The following PLCG2 variants were observed in gnomAD, a reference collection of about 807,000 sequenced individuals.
The protein encoded by PLCG2 is 1-phosphatidylinositol 4,5-bisphosphate phosphodiesterase gamma-2.
Under a neutral mutation model 175.6 loss-of-function variants are expected in PLCG2, and 69 were observed. The ratio of observed to expected loss-of-function variants is 0.39; its 90% CI spans 0.32 to 0.48. The LOEUF is 0.48. PLCG2 is among the 20% of genes least tolerant of loss of function. The probability of loss-of-function intolerance (pLI) is 0.91; values close to 1 mark genes in which losing one functional copy is unlikely to be tolerated. For missense variants in PLCG2, 1,798 were observed against 1,650.9 expected, an observed-to-expected ratio of 1.09 and a Z score of -1.54; for synonymous variants, 827 against 624.0, an observed-to-expected ratio of 1.33 and a Z score of -4.85.
chr16:81,946,770 A>G (rs552451915), intron 31 of PLCG2, among the ~76,000 whole-genome samples: 2 of 152,324 alleles, frequency 1.3e-5, no homozygotes, highest in African/African-American at 2.4e-5. Context: ...TTACGCCAGA[A>G]TTCTTTCCTT....
chr16:81,850,778 G>C (rs1056330267), intron 2 of PLCG2, among the ~76,000 whole-genome samples: 7 of 152,190 alleles, frequency 4.6e-5, no homozygotes, highest in Non-Finnish European at 8.8e-5. Context: ...TCATTAGCGT[G>C]TTAAATCCCC....
Position 81,962,222 on chromosome 16 carries a change from TA to T in PLCG2, c.*4229del. On this transcript the variant is annotated 3_prime_UTR_variant, in exon 33 of 33. Coordinates refer to ENST00000564138, the MANE Select transcript of PLCG2 (RefSeq NM_002661.5). ...TGTATTTGGAAGCAAAAAGGATGGC[TA>T]AAAAGGACCTCAACCCTTTTGACTT... 1 of 189,620 alleles carries T rather than the reference TA, an allele frequency of 5.3e-6. No homozygotes were observed. Among genetic ancestry groups the T allele is most frequent in the African/African-American group, 2.3e-5 (1 of 43,066 alleles). 11.7% of individuals were successfully genotyped at this position (189,620 alleles called of 1,614,324 possible). A position where few individuals can be genotyped will look rare whatever the true frequency, so the allele number is the denominator to read the frequency against.
rs1304535394 is a variant in PLCG2, at chr16:81,888,996, GA to G, written c.766-175del. On this transcript the variant is annotated intron_variant, in intron 9 of 32. Coordinates refer to ENST00000564138, the MANE Select transcript of PLCG2 (RefSeq NM_002661.5). ...TGGCTCTCTGCAGAGAACATTTGCT[GA>G]CCCCTGGCAGAGGGCCATGTGCAGA... Among the ~76,000 whole-genome samples, 13 of 152,178 alleles carry G rather than the reference GA, an allele frequency of 8.5e-5. No homozygotes were observed. The South Asian group carries it at 2.1e-3, about 24-fold the overall frequency.
chr16:81,752,787 C>T (rs1191941352), intron 1 of PLCG2, among the ~76,000 whole-genome samples: 4 of 152,248 alleles, frequency 2.6e-5, no homozygotes, highest in African/African-American at 9.6e-5. Context: ...GTGCTGGAAG[C>T]TCCAGCCTAG....
At chr16:81,863,245 C>T (rs990911689) in intron 5 of PLCG2, among the ~76,000 whole-genome samples, 2 of 152,224 alleles carry the variant, frequency 1.3e-5, no homozygotes, top group African/African-American at 4.8e-5. Context: ...ACTCTACTGT[C>T]TGTCTCTCTG....
At chr16:81,822,759 C>A (rs61687497) in intron 2 of PLCG2, among the ~76,000 whole-genome samples, 1 of 212 alleles carries the variant, frequency 4.7e-3, no homozygotes, top group Non-Finnish European at 0.011. Context: ...GAGACTCCAT[C>A]TCAAAAAAAA....
At chr16:81,825,449 A>C (rs758862524) in intron 2 of PLCG2, among the ~76,000 whole-genome samples, 12 of 151,922 alleles carry the variant, frequency 7.9e-5, no homozygotes, top group Non-Finnish European at 1.6e-4. Context: ...ATGCGCCAGC[A>C]CACCTGGCTA....
At chr16:81,867,370 A>G (rs957081638) in intron 5 of PLCG2, among the ~76,000 whole-genome samples, 1 of 151,988 alleles carries the variant, frequency 6.6e-6, no homozygotes, top group Non-Finnish European at 1.5e-5. Flanking sequence ...CACCCCACTA[A>G]TTTCACTTCT....
intron 7 of PLCG2, among the ~76,000 whole-genome samples, chr16:81,876,240 C>G (rs1005145676): frequency 2.0e-5 from 3 of 152,048 alleles, no homozygotes; most frequent in Non-Finnish European, 4.4e-5. Context: ...CCAGGCTAGG[C>G]TTGAACTCCT....
At chr16:81,880,995 A>G in intron 8 of PLCG2, 42 bp downstream of exon 8, 10 of 1,599,116 alleles carry the variant, frequency 6.3e-6, no homozygotes, top group African/African-American at 1.3e-5. Context: ...GCTGTGCCGG[A>G]CCTCGGTGCC....
intron 7 of PLCG2, among the ~76,000 whole-genome samples, chr16:81,875,094 G>C (rs1408589092): frequency 6.6e-6 from 1 of 151,704 alleles, no homozygotes; most frequent in Non-Finnish European, 1.5e-5. Flanking sequence ...CTTCTGAGTA[G>C]CTGGGATTAC....
chr16:81,886,647 T>A (rs1597108185), intron 9 of PLCG2, among the ~76,000 whole-genome samples: 2 of 152,190 alleles, frequency 1.3e-5, no homozygotes, highest in East Asian at 3.8e-4. Flanking sequence ...GTTAAAAGTA[T>A]GTTTCTAGAA....
chr16:81,891,390 C>A lies in PLCG2; in HGVS notation c.868-82C>A, dbSNP rs140455097. On this transcript the variant is annotated intron_variant, in intron 10 of 32. Transcript: ENST00000564138. Reference sequence around the variant, plus strand: ...CCCGCATCAGAGCTGTTCTTCCCCCCTGGTGGGCGCAGACCAGAAACAAGC... The same window carrying A: ...CCCGCATCAGAGCTGTTCTTCCCCCATGGTGGGCGCAGACCAGAAACAAGC... 3.3e-3 allele frequency: 2,726 copies of A among 825,038 alleles called. 25 individuals carry two copies. The highest frequency in any genetic ancestry group is 0.011 in the South Asian group (795 of 72,624). The allele number at this position is 825,038 out of a possible 1,614,324, so 51.1% of individuals were successfully genotyped here. A position where few individuals can be genotyped will look rare whatever the true frequency, so the allele number is the denominator to read the frequency against.
intron 2 of PLCG2, among the ~76,000 whole-genome samples, chr16:81,820,794 T>C (rs1341867092): frequency 6.6e-6 from 1 of 151,690 alleles, no homozygotes; most frequent in Non-Finnish European, 1.5e-5. Flanking sequence ...CTAATTTTTG[T>C]ATTTTTAGTA....
At chr16:81,747,409 C>T (rs1401953414) in intron 1 of PLCG2, among the ~76,000 whole-genome samples, 1 of 152,120 alleles carries the variant, frequency 6.6e-6, no homozygotes, top group Non-Finnish European at 1.5e-5. Context: ...ATGGTGGGTG[C>T]CTGTAGTCCC....
chr16:81,844,113 A>G (rs1597350221), intron 2 of PLCG2, among the ~76,000 whole-genome samples: 1 of 142,696 alleles, frequency 7.0e-6, no homozygotes, highest in African/African-American at 2.6e-5. Flanking sequence ...AGTAGCTGGG[A>G]CTACAGGTGC....
At chr16:81,869,007 A>C (rs1217338332) in intron 5 of PLCG2, among the ~76,000 whole-genome samples, 1 of 152,248 alleles carries the variant, frequency 6.6e-6, no homozygotes, top group African/African-American at 2.4e-5. Context: ...TATGTGACCC[A>C]TGTCCATGGA....
intron 13 of PLCG2, among the ~76,000 whole-genome samples, chr16:81,896,181 C>T (rs1451616499): frequency 6.6e-6 from 1 of 152,152 alleles, no homozygotes; most frequent in Non-Finnish European, 1.5e-5. Context: ...TGTGGCTGCT[C>T]AGTGCCCACC....
rs74029318 is a variant in PLCG2, at chr16:81,962,241, T to G, written c.*4243T>G. 2.4e-3 allele frequency: 465 copies of G among 191,970 alleles called. 3 individuals are homozygous for G. Among genetic ancestry groups the G allele is most frequent in the African/African-American group, 9.9e-3 (428 of 43,178 alleles). 11.9% of individuals were successfully genotyped at this position (191,970 alleles called of 1,614,324 possible). On this transcript the variant is annotated 3_prime_UTR_variant, in exon 33 of 33. Coordinates refer to ENST00000564138, the MANE Select transcript of PLCG2 (RefSeq NM_002661.5). ...GATGGCTAAAAAGGACCTCAACCCT[T>G]TTGACTTTAAAAGGAAAATAGCTTA...
Sources: gnomAD v4.1 joint callset for allele counts (sites outside exome capture counted in the v4.1 genomes callset) on GRCh38, gnomAD v4.1.1 for gene constraint, MANE v1.5 for transcripts, NCBI Gene and HGNC (gene_info 2026-07-23, HGNC 2026-07-21) for gene names.